The following FAM234B variants were observed in gnomAD, a reference collection of about 807,000 sequenced individuals.
FAM234B encodes protein FAM234B.
FAM234B carries 33 observed loss-of-function variants against 69.3 expected under a neutral mutation model. The observed-to-expected ratio is 0.48, with a 90% confidence interval of 0.36 to 0.64. The LOEUF is 0.64. Ranked by LOEUF, FAM234B falls within the 30% of genes least tolerant of loss-of-function variation. FAM234B has a pLI of 0.00. For synonymous variants in FAM234B, 306 were observed against 306.9 expected (o/e 1.00, Z 0.03); for missense variants, 697 against 769.7 (o/e 0.91, Z 1.12).
In FAM234B at chr12:13,055,749, C is replaced by A. The variant is rs763811520; in HGVS notation, c.236C>A (p.Thr79Lys). The change falls in exon 2 of 13, where the codon ACG becomes AAG. Residue 79 changes from threonine to lysine, a missense_variant. Thr to Lys is a moderately conservative substitution (Grantham distance 78, BLOSUM62 -1). Transcript: ENST00000197268. Reference sequence around the variant, plus strand: ...AAGCCACATCTTTCAGAAGTCACCACGGAGGGCTACCCCTCAGAACCCCTT... The same window carrying A: ...AAGCCACATCTTTCAGAAGTCACCAAGGAGGGCTACCCCTCAGAACCCCTT... ...AAKPHLSEVT[T>K]EGYPSEPLGG... The A allele has an allele frequency of 1.9e-6, 3 of 1,614,184 alleles. No homozygotes were observed. The highest frequency in any genetic ancestry group is 1.7e-6 in the Non-Finnish European group (2 of 1,180,004).
At position 13,079,813 on chromosome 12, in the gene FAM234B, A is replaced by G. The variant is rs757202942; in HGVS notation, c.1667A>G (p.Asp556Gly). 1 of 1,613,680 alleles carries G rather than the reference A, an allele frequency of 6.2e-7. No homozygotes were observed. The highest frequency in any genetic ancestry group is 8.5e-7 in the Non-Finnish European group (1 of 1,179,840). The change falls in exon 12 of 13, where the codon GAT (aspartate) becomes GGT (glycine). Residue 556 changes from aspartate to glycine, a missense_variant. Asp to Gly is a moderately conservative substitution (Grantham distance 94). Coordinates refer to ENST00000197268, the MANE Select transcript of FAM234B (RefSeq NM_020853.2). ...SEVGINDLWK[D>G]AFYVTRTTGP... is the part of the protein sequence containing the mutation. Reference sequence around the variant, plus strand: ...GTTGGAATTAACGACCTCTGGAAAGATGCCTTTTATGTTACCAGGACAACA... The same window carrying G: ...GTTGGAATTAACGACCTCTGGAAAGGTGCCTTTTATGTTACCAGGACAACA...
At chr12:13,071,131 T>G in intron 9 of FAM234B, 110 bp from the exon 10 acceptor site, 4 of 1,150,738 alleles carry the variant, frequency 3.5e-6, no homozygotes, top group Non-Finnish European at 5.1e-6. Context: ...AAGCGCAGCG[T>G]GTTGATATTT....
chr12:13,076,505 C>A (rs1865162081), intron 11 of FAM234B, among the ~76,000 whole-genome samples: 2 of 152,148 alleles, frequency 1.3e-5, no homozygotes, highest in African/African-American at 4.8e-5. Context: ...GTTTCTTGAC[C>A]CACTCAGAGA....
At chr12:13,049,809 T>A (rs963557671) in intron 1 of FAM234B, among the ~76,000 whole-genome samples, 1 of 152,224 alleles carries the variant, frequency 6.6e-6, no homozygotes, top group African/African-American at 2.4e-5. Context: ...TTCAGCTAAT[T>A]GTTTGTTATG....
chr12:13,062,708 A>G, intron 4 of FAM234B, 137 bp from the exon 5 acceptor site: 1 of 834,222 alleles, frequency 1.2e-6, no homozygotes, highest in Non-Finnish European at 1.8e-6. Context: ...GACAAAAACG[A>G]AAGGCAATAA....
At chr12:13,070,676 GATT>G (rs1255250250) in intron 9 of FAM234B, among the ~76,000 whole-genome samples, 1 of 152,040 alleles carries the variant, frequency 6.6e-6, no homozygotes, top group Non-Finnish European at 1.5e-5. Context: ...TTCCCTCTTG[GATT>G]ATTTTTTTTG....
Position 13,083,282 on chromosome 12 carries a change from A to G in FAM234B, c.*2652A>G, listed in dbSNP as rs577096112. On this transcript the variant is annotated 3_prime_UTR_variant, in exon 13 of 13. Transcript: ENST00000197268. ...CTTAAACACCCTCCCTTTTCCTTAG[A>G]CCCCGTTTTTGCCATCCCCCAAATG... The G allele has an allele frequency of 6.6e-6, 1 of 152,130 alleles. No individual in the cohort carries two copies. Among genetic ancestry groups the G allele is most frequent in the Non-Finnish European group, 1.5e-5 (1 of 67,902 alleles). The allele number at this position is 152,130 out of a possible 1,614,324, so 9.4% of individuals were successfully genotyped here.
Position 13,044,503 on chromosome 12 carries a change from G to C in FAM234B, c.37+63G>C. The C allele has an allele frequency of 3.9e-6, 6 of 1,528,708 alleles. No individual in the cohort carries two copies. The highest frequency in any genetic ancestry group is 5.3e-6 in the Non-Finnish European group (6 of 1,128,300). 94.7% of individuals were successfully genotyped at this position (1,528,708 alleles called of 1,614,324 possible). On this transcript the variant is annotated intron_variant, in intron 1 of 12. Transcript: ENST00000197268. The surrounding 1 kb of genome is among the most constrained non-coding windows in gnomAD (Gnocchi z 5.6). ...CGGTGTTGGAATAAGGGGAGGCGAGGCTCTGGGGGCGAGGCCGGTCGGGCC... is the reference window on the plus strand; with the variant it reads ...CGGTGTTGGAATAAGGGGAGGCGAGCCTCTGGGGGCGAGGCCGGTCGGGCC...
At chr12:13,054,500 G>A (rs1864908867) in intron 1 of FAM234B, among the ~76,000 whole-genome samples, 1 of 152,120 alleles carries the variant, frequency 6.6e-6, no homozygotes, top group Non-Finnish European at 1.5e-5. Flanking sequence ...CATCACCAAG[G>A]CCATAGTGAC....
In FAM234B at chr12:13,055,605, A is replaced by G; in HGVS notation, c.92A>G (p.Asp31Gly). 6.2e-7 allele frequency: 1 copy of G among 1,613,766 alleles called. No individual in the cohort carries two copies. Among genetic ancestry groups the G allele is most frequent in the Non-Finnish European group, 8.5e-7 (1 of 1,179,642 alleles). Reference protein sequence around the residue: ...EYDPLTQADSDESEDDLVLNL... With the variant: ...EYDPLTQADSGESEDDLVLNL... ...GATCCACTTACCCAGGCTGACAGTG[A>G]TGAGAGCGAAGACGATCTGGTGCTT... Residue 31 changes from aspartate to glycine, a missense_variant, in exon 2 of 13, where the codon GAT becomes GGT. Physicochemically the swap from Asp to Gly is moderately conservative, Grantham distance 94. Around this residue, in one of 3 missense-constraint regions of FAM234B, gnomAD observed 380 missense variants for 447.1 expected, o/e 0.85. Coordinates refer to ENST00000197268, the MANE Select transcript of FAM234B (RefSeq NM_020853.2).
At chr12:13,070,171 AGATATAT>A (rs1865088087) in intron 9 of FAM234B, among the ~76,000 whole-genome samples, 2 of 78,820 alleles carry the variant, frequency 2.5e-5, no homozygotes, top group South Asian at 5.4e-4. Flanking sequence ...AATTAAAAAA[AGATATAT>A]ATATATATAT....
chr12:13,075,433 C>CTTTTTTTTTTTTTTTTTTTTTTTT (rs59012504), intron 10 of FAM234B, among the ~76,000 whole-genome samples: 3 of 137,506 alleles, frequency 2.2e-5, no homozygotes, highest in Non-Finnish European at 4.7e-5. Flanking sequence ...CTTTTCTTTT[C>CTTTTTTTTTTTTTTTTTTTTTTTT]TTTTTTTTTT....
At position 13,055,576 on chromosome 12, in the gene FAM234B, G is replaced by A. The variant is rs778727275; in HGVS notation, c.63G>A (p.Glu21=). The change falls in exon 2 of 13, where the codon GAG becomes GAA. Residue 21 remains glutamate (E), a synonymous_variant. Coordinates refer to ENST00000197268, the MANE Select transcript of FAM234B (RefSeq NM_020853.2). ...LPGKKSPDLG[E]YDPLTQADSD... The stretch of plus-strand genomic sequence containing the variant: ...GGAAGAAGAGCCCAGACCTAGGGGA[G>A]TATGATCCACTTACCCAGGCTGACA... The A allele has an allele frequency of 6.8e-6, 11 of 1,609,028 alleles. No individual in the cohort carries two copies. The highest frequency in any genetic ancestry group is 9.4e-6 in the Non-Finnish European group (11 of 1,175,784).
At chr12:13,074,736 T>C (rs975772955) in intron 10 of FAM234B, among the ~76,000 whole-genome samples, 1 of 152,202 alleles carries the variant, frequency 6.6e-6, no homozygotes, top group Non-Finnish European at 1.5e-5. Flanking sequence ...TGTCCTTTCA[T>C]ACCTGGGATC....
chr12:13,045,849 A>G (rs1864804911), intron 1 of FAM234B, among the ~76,000 whole-genome samples: 1 of 148,604 alleles, frequency 6.7e-6, no homozygotes, highest in Admixed American at 6.7e-5. Context: ...TTTTTCTTTT[A>G]GAGTCCTTTT....
rs1321212837 is a variant in FAM234B at position 13,044,490 on chromosome 12, A to T, written c.37+50A>T. 6.5e-7 allele frequency: 1 copy of T among 1,544,692 alleles called. No homozygotes were observed. Among genetic ancestry groups the T allele is most frequent in the East Asian group, 2.4e-5 (1 of 40,820 alleles). The stretch of plus-strand genomic sequence containing the variant: ...ACCCAGTCCCCGCCGGTGTTGGAAT[A>T]AGGGGAGGCGAGGCTCTGGGGGCGA... On this transcript the variant is annotated intron_variant, in intron 1 of 12. Coordinates refer to ENST00000197268, the MANE Select transcript of FAM234B (RefSeq NM_020853.2). The surrounding 1 kb of genome is among the most constrained non-coding windows in gnomAD (Gnocchi z 5.6).
intron 1 of FAM234B, among the ~76,000 whole-genome samples, chr12:13,054,188 TTAAAG>T (rs1266461707): frequency 4.6e-5 from 7 of 152,166 alleles, no homozygotes; most frequent in Non-Finnish European, 8.8e-5. Context: ...GATTAAGAGA[TTAAAG>T]TAAAGACAGG....
chr12:13,069,745 G>A lies in FAM234B; in HGVS notation c.1368+1034G>A, dbSNP rs117335474. On this transcript the variant is annotated intron_variant, in intron 9 of 12. Transcript: ENST00000197268. Reference sequence around the variant, plus strand: ...CCATCAGAGAGATGAGAATGAGGTCGGCTTACAGAGGGCCCCAAAAGCACA... The same window carrying A: ...CCATCAGAGAGATGAGAATGAGGTCAGCTTACAGAGGGCCCCAAAAGCACA... Among the ~76,000 whole-genome samples the A allele has an allele frequency of 7.4e-3, 1,124 of 152,264 alleles. 3 individuals are homozygous for A. Among genetic ancestry groups the A allele is most frequent in the Non-Finnish European group, 0.012 (814 of 68,020 alleles).
At chr12:13,073,383 C>T (rs895018981) in intron 10 of FAM234B, among the ~76,000 whole-genome samples, 1 of 152,142 alleles carries the variant, frequency 6.6e-6, no homozygotes, top group East Asian at 1.9e-4. Flanking sequence ...GGCCTTGGAA[C>T]TTTTGTTTTA....
Sources: allele counts gnomAD v4.1 joint callset (sites outside exome capture counted in the v4.1 genomes callset), GRCh38; gene constraint gnomAD v4.1.1; regional missense constraint gnomAD v4.1.1; non-coding constraint Gnocchi (gnomAD v3.1); transcripts MANE v1.5; gene names NCBI Gene and HGNC (gene_info 2026-07-23, HGNC 2026-07-21).